PDE1C: variants seen among roughly 807,000 people sequenced by gnomAD.
PDE1C encodes dual specificity calcium/calmodulin-dependent 3',5'-cyclic nucleotide phosphodiesterase 1C.
In PDE1C, 62 loss-of-function variants were observed where a neutral mutation model predicts 93.1. The ratio of observed to expected loss-of-function variants is 0.67; its 90% CI spans 0.54 to 0.82. The LOEUF (loss-of-function observed/expected upper bound fraction) is 0.82. PDE1C is among the 40% of genes least tolerant of loss of function. PDE1C has a pLI of 0.00. For missense variants in PDE1C, 742 were observed against 884.6 expected (o/e 0.84, Z 2.04); for synonymous variants, 325 against 310.1 (o/e 1.05, Z -0.50).
chr7:31,692,397 C>A, the PDE1C span: 15 of 1,456,774 alleles, frequency 1.0e-5, no homozygotes, highest in African/African-American at 1.4e-5. Flanking sequence ...GTTTTTTATA[C>A]TTCCTTAGTG....
intron 17 of PDE1C, among the ~76,000 whole-genome samples, chr7:31,770,249 G>A (rs1039247233): frequency 5.9e-5 from 9 of 152,134 alleles, no homozygotes; most frequent in South Asian, 2.1e-4. Context: ...TAATTGGGTC[G>A]TCTTTTTATT....
intron 1 of PDE1C, among the ~76,000 whole-genome samples, chr7:32,326,328 A>G (rs1403087609): frequency 6.6e-6 from 1 of 152,172 alleles, no homozygotes; most frequent in South Asian, 2.1e-4. Context: ...TGGCATATGG[A>G]TGGTTTTTAA....
chr7:31,672,720 A>G, the PDE1C span, among the ~76,000 whole-genome samples: 1 of 152,226 alleles, frequency 6.6e-6, no homozygotes, highest in African/African-American at 2.4e-5. Context: ...ATCAGCCATC[A>G]TCACTCCTCT....
At chr7:32,019,274 G>T (rs191024515) in intron 2 of PDE1C, among the ~76,000 whole-genome samples, 1 of 152,080 alleles carries the variant, frequency 6.6e-6, no homozygotes, top group Non-Finnish European at 1.5e-5. Context: ...AACATGATTA[G>T]AGTTAGTGAG....
At chr7:32,327,865 T>C (rs1385883247) in intron 1 of PDE1C, among the ~76,000 whole-genome samples, 1 of 151,790 alleles carries the variant, frequency 6.6e-6, no homozygotes, top group African/African-American at 2.4e-5. Flanking sequence ...TTCATCCATG[T>C]TGTTTGCACA....
At chr7:31,624,370 T>C in the PDE1C span, among the ~76,000 whole-genome samples, 5 of 146,808 alleles carry the variant, frequency 3.4e-5, no homozygotes, top group African/African-American at 1.3e-4. Context: ...GACTTCAAAC[T>C]ATACTACAAG....
intron 2 of PDE1C, among the ~76,000 whole-genome samples, chr7:31,938,876 T>C (rs1001109306): frequency 6.6e-6 from 1 of 152,194 alleles, no homozygotes; most frequent in African/African-American, 2.4e-5. Context: ...CAATGGCAAA[T>C]TGTATCTTTT....
rs546210097 is a variant in PDE1C, at chr7:32,396,296, T to C, written c.310+31526A>G. On this transcript the variant is annotated intron_variant, in intron 1 of 1. Transcript: ENST00000672256. ...GAATTCAAGAGCAGCCAGGGCAACA[T>C]GGCAAAACCCTGTCTCTATAAAAAT... 2.2e-4 allele frequency among the ~76,000 whole-genome samples: 33 copies of C among 152,112 alleles called. 1 individual carries two copies. The highest frequency in any genetic ancestry group is 1.5e-3 in the South Asian group (7 of 4,804).
chr7:32,079,239 A>T (rs1796523483), intron 3 of PDE1C, among the ~76,000 whole-genome samples: 1 of 152,214 alleles, frequency 6.6e-6, no homozygotes, highest in South Asian at 2.1e-4. Flanking sequence ...TACTAGGTAT[A>T]CAATGGTCAA....
the PDE1C span, among the ~76,000 whole-genome samples, chr7:31,730,876 T>A: frequency 6.6e-6 from 1 of 151,538 alleles, no homozygotes; most frequent in Admixed American, 6.6e-5. Flanking sequence ...GTTTGAAGGA[T>A]GAACAAAAGA....
intron 3 of PDE1C, among the ~76,000 whole-genome samples, chr7:32,147,366 A>G (rs1800960910): frequency 6.6e-6 from 1 of 151,970 alleles, no homozygotes; most frequent in African/African-American, 2.4e-5. Context: ...TGTTTGCATA[A>G]AATGTTTGTC....
At chr7:32,103,329 C>T (rs1798129363) in intron 3 of PDE1C, among the ~76,000 whole-genome samples, 1 of 151,960 alleles carries the variant, frequency 6.6e-6, no homozygotes, top group Non-Finnish European at 1.5e-5. Flanking sequence ...ACTGCAGAAC[C>T]CTGAGAAGAC....
intron 11 of PDE1C, among the ~76,000 whole-genome samples, chr7:31,835,650 T>A (rs949058513): frequency 2.0e-5 from 3 of 151,764 alleles, no homozygotes; most frequent in African/African-American, 7.3e-5. Flanking sequence ...TTATCCTAAA[T>A]CCTTCCCTCC....
In PDE1C at chr7:31,751,365, G is replaced by T. The variant is rs775228648; in HGVS notation, c.*2019C>A. The T allele has an allele frequency of 6.6e-6, 1 of 152,122 alleles. No individual in the cohort carries two copies. Among genetic ancestry groups the T allele is most frequent in the African/African-American group, 2.4e-5 (1 of 41,418 alleles). 9.4% of individuals were successfully genotyped at this position (152,122 alleles called of 1,614,324 possible). The stretch of plus-strand genomic sequence containing the variant: ...TCTTAGGAGAAAAGAATACAGATTT[G>T]TTCCCCAGGAACATGGCTTCCAACA... On this transcript the variant is annotated 3_prime_UTR_variant, in exon 18 of 18. Transcript: ENST00000396191.
At chr7:32,303,584 T>C (rs925814709), upstream of PDE1C, among the ~76,000 whole-genome samples, 1 of 152,168 alleles carries the variant, frequency 6.6e-6, no homozygotes, top group Non-Finnish European at 1.5e-5. Flanking sequence ...GTCCATTTTT[T>C]TGTTTCTCAA....
chr7:31,878,878 C>A, intron 4 of PDE1C, 118 bp downstream of exon 4: 12 of 974,096 alleles, frequency 1.2e-5, no homozygotes, highest in Non-Finnish European at 1.9e-5. Context: ...CTGTTTCTAC[C>A]CACAATTTTC....
chr7:32,147,984 T>TAAAAAAAAAAACAAAAAA (rs1801003554), intron 3 of PDE1C, among the ~76,000 whole-genome samples: 1 of 79,730 alleles, frequency 1.3e-5, no homozygotes, highest in Non-Finnish European at 2.2e-5. Flanking sequence ...CCATTTATGC[T>TAAAAAAAAAAACAAAAAA]AAAAAAAAAA....
intron 2 of PDE1C, among the ~76,000 whole-genome samples, chr7:31,932,006 C>G (rs1335823873): frequency 6.6e-6 from 1 of 152,144 alleles, no homozygotes; most frequent in Non-Finnish European, 1.5e-5. Context: ...GGCAAACTGG[C>G]TAGTCATATG....
intron 1 of PDE1C, among the ~76,000 whole-genome samples, chr7:32,262,011 T>A (rs1810242739): frequency 8.0e-6 from 1 of 124,248 alleles, no homozygotes; most frequent in Admixed American, 8.0e-5. Flanking sequence ...TGGGATTTTT[T>A]TTTTTTTTTT....
Sources: allele counts gnomAD v4.1 joint callset (sites outside exome capture counted in the v4.1 genomes callset), GRCh38; gene constraint gnomAD v4.1.1; transcripts MANE v1.5; gene names NCBI Gene and HGNC (gene_info 2026-07-23, HGNC 2026-07-21).